The following KCMF1 variants were observed in gnomAD, a reference collection of about 807,000 sequenced individuals.
The protein encoded by KCMF1 is potassium channel modulatory factor 1.
KCMF1 carries 3 observed loss-of-function variants against 41.1 expected under a neutral mutation model. The ratio of observed to expected loss-of-function variants is 0.07; its 90% CI spans 0.03 to 0.19. The LOEUF is 0.19. Among genes scored for constraint, KCMF1 ranks in the 10% least tolerant of loss-of-function variants. KCMF1 has a pLI of 1.00. For synonymous variants in KCMF1, 142 were observed against 164.5 expected (o/e 0.86, Z 1.04); for missense variants, 286 against 488.9 (o/e 0.58, Z 3.91).
At chr2:85,016,400 T>C (rs540230238) in intron 1 of KCMF1, among the ~76,000 whole-genome samples, 2 of 152,024 alleles carry the variant, frequency 1.3e-5, no homozygotes, top group South Asian at 4.1e-4. Context: ...TTTTATTCTC[T>C]TCCTATTTCT....
chr2:84,995,777 C>A (rs185939156), intron 1 of KCMF1, among the ~76,000 whole-genome samples: 1 of 152,238 alleles, frequency 6.6e-6, no homozygotes, highest in Non-Finnish European at 1.5e-5. Context: ...ACATTGAAAC[C>A]CTGTGTCTTT....
At position 84,981,380 on chromosome 2, in the gene KCMF1, A is replaced by G. The variant is rs573101497; in HGVS notation, c.16+9913A>G. Among the ~76,000 whole-genome samples the G allele has an allele frequency of 5.4e-4, 82 of 152,064 alleles. 1 individual carries two copies. The highest frequency in any genetic ancestry group is 1.2e-3 in the Admixed American group (19 of 15,260). On this transcript the variant is annotated intron_variant, in intron 1 of 6. Coordinates refer to ENST00000409785, the MANE Select transcript of KCMF1 (RefSeq NM_020122.5). ...AATTTTTTGTATTTTTAGTAGAGAC[A>G]GGGTTTCACCGTGTTAGCCAGGATG...
chr2:85,050,338 G>A (rs1659098841), intron 6 of KCMF1, among the ~76,000 whole-genome samples: 1 of 152,172 alleles, frequency 6.6e-6, no homozygotes, highest in South Asian at 2.1e-4. Flanking sequence ...AAAAGTATAA[G>A]AAGGATTTCA....
At chr2:85,038,919 C>CGT (rs1675463093) in intron 3 of KCMF1, among the ~76,000 whole-genome samples, 3 of 152,240 alleles carry the variant, frequency 2.0e-5, no homozygotes, top group Admixed American at 2.0e-4. Flanking sequence ...TTCGTCTCAC[C>CGT]GTGTGGCCCA....
At chr2:85,046,390 G>GATTAA in intron 5 of KCMF1, 112 bp downstream of exon 5, 6 of 771,048 alleles carry the variant, frequency 7.8e-6, no homozygotes, top group Non-Finnish European at 1.2e-5. Flanking sequence ...AGCACTCTGG[G>GATTAA]AGGCTGGAGC....
intron 3 of KCMF1, 105 bp downstream of exon 3, chr2:85,035,260 G>A: frequency 2.1e-6 from 2 of 961,484 alleles, no homozygotes; most frequent in Middle Eastern, 4.9e-4. Context: ...TCAGTGTAAT[G>A]ATACCGTTTG....
intron 1 of KCMF1, among the ~76,000 whole-genome samples, chr2:85,013,752 C>G (rs1050058624): frequency 6.8e-6 from 1 of 148,014 alleles, no homozygotes; most frequent in African/African-American, 2.5e-5. Flanking sequence ...GAGCCGAGAT[C>G]ACACCACTGT....
At position 85,046,105 on chromosome 2, in the gene KCMF1, A is replaced by G. The variant is rs1298213206; in HGVS notation, c.428A>G (p.Asp143Gly). 2.5e-6 allele frequency: 4 copies of G among 1,606,650 alleles called. No individual in the cohort carries two copies. The highest frequency in any genetic ancestry group is 3.4e-6 in the Non-Finnish European group (4 of 1,176,962). Residue 143 changes from aspartate (D) to glycine (G), a missense_variant and splice_region_variant, in exon 5 of 7, where the codon GAT becomes GGT. Transcript: ENST00000409785. ...TLEHRAPRDL[D>G]ESSGVRHVRR... Reference sequence around the variant, plus strand: ...TTTTTTTCTTAACTTTTGGGTTATGATGAATCGAGTGGTGTTCGACATGTA... The same window carrying G: ...TTTTTTTCTTAACTTTTGGGTTATGGTGAATCGAGTGGTGTTCGACATGTA...
At chr2:85,017,072 C>T (rs1431804387) in intron 1 of KCMF1, among the ~76,000 whole-genome samples, 2 of 137,716 alleles carry the variant, frequency 1.5e-5, no homozygotes, top group East Asian at 4.4e-4. Context: ...GGCGGGACTG[C>T]GGACTGCAGT....
intron 1 of KCMF1, among the ~76,000 whole-genome samples, chr2:85,001,516 TAGG>T (rs1674328017): frequency 6.6e-6 from 1 of 152,186 alleles, no homozygotes; most frequent in South Asian, 2.1e-4. Context: ...GAATGTCTGG[TAGG>T]AGGTTTAGAA....
At chr2:84,981,067 A>T (rs1371084220) in intron 1 of KCMF1, among the ~76,000 whole-genome samples, 1 of 152,136 alleles carries the variant, frequency 6.6e-6, no homozygotes, top group African/African-American at 2.4e-5. Flanking sequence ...CTAGAAAAAA[A>T]AAAACTGAGA....
intron 3 of KCMF1, among the ~76,000 whole-genome samples, chr2:85,040,353 C>T (rs929911228): frequency 1.3e-5 from 2 of 152,016 alleles, no homozygotes; most frequent in Non-Finnish European, 2.9e-5. Flanking sequence ...GTTTTCCTGT[C>T]CTGTAAGAGA....
In KCMF1 at chr2:85,049,615, A is replaced by C; in HGVS notation, c.851A>C (p.Gln284Pro). The C allele has an allele frequency of 6.2e-7, 1 of 1,613,728 alleles. No individual in the cohort carries two copies. The highest frequency in any genetic ancestry group is 8.5e-7 in the Non-Finnish European group (1 of 1,179,684). The change falls in exon 6 of 7, where the codon CAG (glutamine) becomes CCG (proline). Residue 284 changes from glutamine (Q) to proline (P), a missense_variant. By Grantham distance (76) the Gln-to-Pro change is moderately conservative (BLOSUM62 -1). This residue lies in a region of KCMF1 where 191 missense variants were observed against 279.3 expected (regional missense o/e 0.68). Transcript: ENST00000409785. The part of the protein sequence containing the change: ...TNIANTESSQ[Q>P]TLQNSQFLLT... ...ATAGCTAATACAGAAAGCAGTCAGC[A>C]GACTCTACAGAATTCCCAGTTTCTT...
chr2:85,018,548 G>A (rs913049402), intron 1 of KCMF1, among the ~76,000 whole-genome samples: 4 of 152,050 alleles, frequency 2.6e-5, no homozygotes, highest in Admixed American at 1.3e-4. Flanking sequence ...GGGATTACAG[G>A]CATGAGCCAC....
chr2:85,014,740 TG>T (rs1674728779), intron 1 of KCMF1, among the ~76,000 whole-genome samples: 1 of 151,170 alleles, frequency 6.6e-6, no homozygotes, highest in African/African-American at 2.4e-5. Context: ...TGTGTGTGTG[TG>T]TGTGTGTTTT....
At chr2:85,014,468 T>C (rs910480461) in intron 1 of KCMF1, among the ~76,000 whole-genome samples, 8 of 152,118 alleles carry the variant, frequency 5.3e-5, no homozygotes, top group African/African-American at 1.9e-4. Context: ...TGCCTCAGTT[T>C]ATCCATCTGT....
At chr2:85,001,519 G>A (rs969411513) in intron 1 of KCMF1, among the ~76,000 whole-genome samples, 2 of 152,122 alleles carry the variant, frequency 1.3e-5, no homozygotes, top group Non-Finnish European at 2.9e-5. Flanking sequence ...TGTCTGGTAG[G>A]AGGTTTAGAA....
At chr2:85,039,861 C>T (rs1203403032) in intron 3 of KCMF1, among the ~76,000 whole-genome samples, 2 of 151,976 alleles carry the variant, frequency 1.3e-5, no homozygotes, top group African/African-American at 2.4e-5. Flanking sequence ...TGCCCAGGCT[C>T]GAGTGCGATG....
At chr2:84,991,949 G>T (rs1674050307) in intron 1 of KCMF1, among the ~76,000 whole-genome samples, 1 of 152,158 alleles carries the variant, frequency 6.6e-6, no homozygotes, top group East Asian at 1.9e-4. Flanking sequence ...GGCTCAGAGA[G>T]AATTTATTAG....
Sources: allele counts gnomAD v4.1 joint callset (sites outside exome capture counted in the v4.1 genomes callset), GRCh38; gene constraint gnomAD v4.1.1; regional missense constraint gnomAD v4.1.1; transcripts MANE v1.5; gene names NCBI Gene and HGNC (gene_info 2026-07-23, HGNC 2026-07-21).